Variants in POC1A observed in about 807,000 individuals in gnomAD.
POC1A encodes the protein POC1 centriolar protein A.
POC1A carries 34 observed loss-of-function variants against 47.8 expected under a neutral mutation model. That is an observed-to-expected ratio of 0.71 (90% CI 0.54 to 0.95). The LOEUF is 0.95. Among genes scored for constraint, POC1A ranks in the 40% least tolerant of loss-of-function variants. The pLI is 0.00. For synonymous variants in POC1A, 177 were observed against 207.6 expected (o/e 0.85, Z 1.27); for missense variants, 466 against 528.3 (o/e 0.88, Z 1.16).
At chr3:52,126,749 G>A (rs1279623975) in intron 7 of POC1A, among the ~76,000 whole-genome samples, 1 of 152,246 alleles carries the variant, frequency 6.6e-6, no homozygotes, top group South Asian at 2.1e-4. Context: ...AGGGCAAAGA[G>A]AGGGTGACAA....
At chr3:52,144,695 C>CAGCCA in intron 6 of POC1A, among the ~76,000 whole-genome samples, 1 of 152,208 alleles carries the variant, frequency 6.6e-6, no homozygotes, top group African/African-American at 2.4e-5. Flanking sequence ...GTCAAATGAC[C>CAGCCA]TGCCCAATAT....
intron 5 of POC1A, among the ~76,000 whole-genome samples, 182 bp from the exon 6 acceptor site, chr3:52,146,143 T>C (rs1026668644): frequency 1.3e-5 from 2 of 152,160 alleles, no homozygotes; most frequent in Non-Finnish European, 2.9e-5. Flanking sequence ...AAGTAAAAGG[T>C]GAGAACAGTG....
At chr3:52,104,526 C>T (rs1703107444) in intron 9 of POC1A, among the ~76,000 whole-genome samples, 1 of 152,150 alleles carries the variant, frequency 6.6e-6, no homozygotes. Flanking sequence ...CTAAAATGTC[C>T]TTAGGGGACC....
At chr3:52,091,293 C>T (rs1358363565) in intron 10 of POC1A, among the ~76,000 whole-genome samples, 1 of 152,160 alleles carries the variant, frequency 6.6e-6, no homozygotes, top group African/African-American at 2.4e-5. Context: ...TGACCTCAGG[C>T]CTAGCAGCTC....
intron 10 of POC1A, among the ~76,000 whole-genome samples, chr3:52,088,219 A>C (rs1702526443): frequency 6.6e-6 from 1 of 152,114 alleles, no homozygotes; most frequent in Non-Finnish European, 1.5e-5. Flanking sequence ...GGGAGGAAGA[A>C]GGGCACAAGC....
intron 7 of POC1A, among the ~76,000 whole-genome samples, chr3:52,128,127 T>C (rs1282616529): frequency 1.3e-5 from 2 of 152,156 alleles, no homozygotes; most frequent in African/African-American, 4.8e-5. Flanking sequence ...GTACATGGAA[T>C]GTCAAAAAAG....
intron 6 of POC1A, among the ~76,000 whole-genome samples, chr3:52,142,719 T>C (rs988460687): frequency 2.0e-5 from 3 of 152,150 alleles, no homozygotes; most frequent in Middle Eastern, 6.4e-3. Context: ...TTGGGTTTCC[T>C]AGGGATCAGG....
intron 10 of POC1A, among the ~76,000 whole-genome samples, chr3:52,076,665 G>A (rs1179518764): frequency 1.3e-5 from 2 of 152,286 alleles, no homozygotes; most frequent in African/African-American, 2.4e-5. Flanking sequence ...CGCCCAGTGC[G>A]AAAGACAACC....
At chr3:52,150,569 T>A (rs577228908) in intron 2 of POC1A, among the ~76,000 whole-genome samples, 3 of 152,122 alleles carry the variant, frequency 2.0e-5, no homozygotes, top group African/African-American at 7.2e-5. Flanking sequence ...AGCTGCAGCA[T>A]AAGAGCAGTG....
In POC1A at chr3:52,084,604, T is replaced by A. The variant is rs1027165922; in HGVS notation, c.1126-8619A>T. 2.6e-5 allele frequency among the ~76,000 whole-genome samples: 4 copies of A among 152,112 alleles called. No homozygotes were observed. The highest frequency in any genetic ancestry group is 4.4e-5 in the Non-Finnish European group (3 of 68,026). On this transcript the variant is annotated intron_variant, in intron 10 of 10. Coordinates refer to ENST00000296484, the MANE Select transcript of POC1A (RefSeq NM_015426.5). This position sits in a 1 kb window ranked among gnomAD's most constrained non-coding sequence, Gnocchi z 4.3. ...GCAGGAAAGAACAAGGGTGGCCAGA[T>A]CCTTAAAAATACTTCTCCAAGTGCA...
At chr3:52,137,374 C>T (rs1284951994) in intron 7 of POC1A, among the ~76,000 whole-genome samples, 1 of 152,158 alleles carries the variant, frequency 6.6e-6, no homozygotes, top group Admixed American at 6.5e-5. Context: ...ACATAAGCAC[C>T]CCCAGGGCCT....
intron 10 of POC1A, among the ~76,000 whole-genome samples, chr3:52,094,661 G>C (rs1702750950): frequency 6.6e-6 from 1 of 152,254 alleles, no homozygotes; most frequent in African/African-American, 2.4e-5. Context: ...GTTTCCTCGG[G>C]ACGCATTGAG....
intron 9 of POC1A, among the ~76,000 whole-genome samples, chr3:52,112,960 C>A: frequency 6.6e-6 from 1 of 152,234 alleles, no homozygotes; most frequent in South Asian, 2.1e-4. Context: ...ATGTGAATTC[C>A]CTATTAAATC....
chr3:52,100,552 T>C (rs922653358), intron 9 of POC1A, among the ~76,000 whole-genome samples: 1 of 152,156 alleles, frequency 6.6e-6, no homozygotes, highest in African/African-American at 2.4e-5. Context: ...AAAGTGAGCA[T>C]CAGCTGTGGG....
intron 9 of POC1A, among the ~76,000 whole-genome samples, chr3:52,098,807 C>T (rs1702902315): frequency 6.6e-6 from 1 of 152,222 alleles, no homozygotes; most frequent in Admixed American, 6.5e-5. Context: ...CCACTGTGTG[C>T]CCTCATTTAA....
In POC1A at chr3:52,149,667, G is replaced by A. The variant is rs1046875569; in HGVS notation, c.275+149C>T. The A allele has an allele frequency of 1.0e-5, 8 of 781,196 alleles. No individual in the cohort carries two copies. The African/African-American group carries it at 1.4e-4, about 14-fold the overall frequency. 48.4% of individuals were successfully genotyped at this position (781,196 alleles called of 1,614,324 possible). A position where few individuals can be genotyped will look rare whatever the true frequency, so the allele number is the denominator to read the frequency against. On this transcript the variant is annotated intron_variant, in intron 3 of 10. Transcript: ENST00000296484. ...CAACCCTGAGGGGAGGGCTCCAACTGCAGCCCCAGCCTCTGATGGCACCTC... is the reference window on the plus strand; with the variant it reads ...CAACCCTGAGGGGAGGGCTCCAACTACAGCCCCAGCCTCTGATGGCACCTC...
Position 52,079,151 on chromosome 3 carries a change from T to A in POC1A, c.1126-3166A>T, listed in dbSNP as rs1559805500. 6.6e-6 allele frequency among the ~76,000 whole-genome samples: 1 copy of A among 152,210 alleles called. No homozygotes were observed. Among genetic ancestry groups the A allele is most frequent in the Non-Finnish European group, 1.5e-5 (1 of 68,030 alleles). On this transcript the variant is annotated intron_variant, in intron 10 of 10. Coordinates refer to ENST00000296484, the MANE Select transcript of POC1A (RefSeq NM_015426.5). The surrounding 1 kb of genome is among the most constrained non-coding windows in gnomAD (Gnocchi z 4.6). Reference sequence around the variant, plus strand: ...ATATCACGTGGCCTTGTTCAGAATGTATATGATCTTTACCTGTCGGTTCAC... The same window carrying A: ...ATATCACGTGGCCTTGTTCAGAATGAATATGATCTTTACCTGTCGGTTCAC...
chr3:52,117,025 T>C (rs762120841), intron 9 of POC1A, among the ~76,000 whole-genome samples: 23 of 152,050 alleles, frequency 1.5e-4, no homozygotes, highest in Non-Finnish European at 2.8e-4. Flanking sequence ...CCATCTCTAC[T>C]AAAAATACAA....
chr3:52,138,435 G>C, intron 6 of POC1A, 133 bp from the exon 7 acceptor site: 1 of 888,780 alleles, frequency 1.1e-6, no homozygotes, highest in East Asian at 2.7e-5. Flanking sequence ...TCATTGCTCA[G>C]AAGAGCTGTG....
Sources: allele counts gnomAD v4.1 joint callset (sites outside exome capture counted in the v4.1 genomes callset), GRCh38; gene constraint gnomAD v4.1.1; non-coding constraint Gnocchi (gnomAD v3.1); transcripts MANE v1.5; gene names NCBI Gene and HGNC (gene_info 2026-07-23, HGNC 2026-07-21).